The following C8orf34 variants were observed in gnomAD, a reference collection of about 807,000 sequenced individuals.
The protein encoded by C8orf34 is uncharacterized protein C8orf34.
In C8orf34, 65 loss-of-function variants were observed where a neutral mutation model predicts 68.3. The observed-to-expected ratio is 0.95, with a 90% CI of 0.78 to 1.17. C8orf34 has a LOEUF of 1.17. Among genes scored for constraint, C8orf34 ranks in the 50% most tolerant of loss-of-function variants. C8orf34 has a pLI of 0.00. For synonymous variants in C8orf34, 244 were observed against 241.2 expected (o/e 1.01, Z -0.11); for missense variants, 664 against 655.4 (o/e 1.01, Z -0.14).
chr8:68,431,534 G>A (rs1263649499), intron 1 of C8orf34, among the ~76,000 whole-genome samples: 6 of 152,176 alleles, frequency 3.9e-5, no homozygotes, highest in Admixed American at 3.3e-4. Context: ...ATTAGTTGAG[G>A]AGTGTAATCC....
intron 3 of C8orf34, chr8:68,446,958 A>G (rs905530176): frequency 1.3e-5 from 2 of 153,372 alleles, no homozygotes; most frequent in Admixed American, 6.5e-5. Flanking sequence ...CTACTGTAAT[A>G]TCTTTGTTTT....
At chr8:68,439,668 A>G (rs1445620186) in intron 2 of C8orf34, 22 bp downstream of exon 2, 1 of 1,590,858 alleles carries the variant, frequency 6.3e-7, no homozygotes, top group East Asian at 2.2e-5. Flanking sequence ...ATGTCTATGC[A>G]GTTAATTTGG....
chr8:68,594,909 G>C (rs1817499197), intron 7 of C8orf34, among the ~76,000 whole-genome samples: 1 of 151,700 alleles, frequency 6.6e-6, no homozygotes, highest in African/African-American at 2.4e-5. Context: ...TAATCCTGCT[G>C]GCTTTCTGGT....
chr8:68,490,071 C>T (rs1215030168), intron 5 of C8orf34, among the ~76,000 whole-genome samples: 2 of 152,132 alleles, frequency 1.3e-5, no homozygotes, highest in African/African-American at 4.8e-5. Flanking sequence ...TTCTAGTCCC[C>T]CCTCTGTGTG....
At chr8:68,760,596 C>T (rs1399341937) in intron 10 of C8orf34, among the ~76,000 whole-genome samples, 1 of 152,182 alleles carries the variant, frequency 6.6e-6, no homozygotes, top group Non-Finnish European at 1.5e-5. Flanking sequence ...GCATGAGACT[C>T]TTTGCAATAT....
chr8:68,441,986 G>C (rs948157110), intron 2 of C8orf34, among the ~76,000 whole-genome samples: 2 of 152,106 alleles, frequency 1.3e-5, no homozygotes, highest in African/African-American at 4.8e-5. Flanking sequence ...TAAAGCTTTG[G>C]GGATGGGTCA....
chr8:68,718,502 T>C (rs1821541287), intron 9 of C8orf34, among the ~76,000 whole-genome samples: 2 of 152,208 alleles, frequency 1.3e-5, no homozygotes, highest in African/African-American at 4.8e-5. Flanking sequence ...GTATACCTAA[T>C]CTGCAAATTC....
chr8:68,628,954 G>A (rs1218723695), intron 7 of C8orf34, among the ~76,000 whole-genome samples: 3 of 151,756 alleles, frequency 2.0e-5, no homozygotes, highest in African/African-American at 7.3e-5. Context: ...TCATAAATTG[G>A]TTCATTTTCC....
chr8:68,353,276 C>A (rs1027836650), intron 1 of C8orf34, among the ~76,000 whole-genome samples: 1 of 151,858 alleles, frequency 6.6e-6, no homozygotes, highest in Admixed American at 6.6e-5. Flanking sequence ...ACTGCACTCC[C>A]CCACAAGGGA....
At chr8:68,556,035 T>C (rs1438430216) in intron 7 of C8orf34, among the ~76,000 whole-genome samples, 1 of 152,180 alleles carries the variant, frequency 6.6e-6, no homozygotes, top group Non-Finnish European at 1.5e-5. Context: ...TCAGCCACAT[T>C]AGTAGCAACT....
chr8:68,495,123 G>A (rs1813473041), intron 5 of C8orf34, among the ~76,000 whole-genome samples: 2 of 151,576 alleles, frequency 1.3e-5, no homozygotes, highest in Admixed American at 1.3e-4. Flanking sequence ...GCTTTAGTGT[G>A]GGGTATATTT....
chr8:68,682,114 A>G (rs1051108524), intron 8 of C8orf34, among the ~76,000 whole-genome samples: 3 of 152,126 alleles, frequency 2.0e-5, no homozygotes, highest in East Asian at 1.9e-4. Flanking sequence ...GCATAACAAG[A>G]TGACTGTAGT....
rs78012931 is a variant in C8orf34 at position 68,457,644 on chromosome 8, C to T, written c.608-11048C>T. ...AAAGAATTGCTCAAAAATTAGCACT[C>T]CTTAATATACAATAGGCTGCTTTGT... On this transcript the variant is annotated intron_variant, in intron 3 of 13. Transcript: ENST00000518698. 9.0e-3 allele frequency among the ~76,000 whole-genome samples: 1,373 copies of T among 152,194 alleles called. 28 individuals carry two copies. Among genetic ancestry groups the T allele is most frequent in the African/African-American group, 0.031 (1,297 of 41,526 alleles).
rs1586105838 is a variant in C8orf34 at position 68,422,103 on chromosome 8, C to A, written c.328-17396C>A. On this transcript the variant is annotated intron_variant, in intron 1 of 13. Coordinates refer to ENST00000518698, the MANE Select transcript of C8orf34 (RefSeq NM_052958.4). ...ATTTGGGTGGGGACACAGAGCCAAA[C>A]CATGTCATTCTGCTGCTGGCCCCTC... Among the ~76,000 whole-genome samples, 3 of 152,302 alleles carry A rather than the reference C, an allele frequency of 2.0e-5. No individual in the cohort carries two copies. In the South Asian group the frequency reaches 6.2e-4, roughly 32 times the overall value.
At chr8:68,647,517 C>T (rs562935536) in intron 8 of C8orf34, among the ~76,000 whole-genome samples, 1 of 152,162 alleles carries the variant, frequency 6.6e-6, no homozygotes, top group East Asian at 1.9e-4. Flanking sequence ...CAGAGCCTGA[C>T]TGGAAGATGT....
intron 10 of C8orf34, among the ~76,000 whole-genome samples, chr8:68,725,733 A>T (rs561306170): frequency 6.6e-5 from 10 of 152,242 alleles, no homozygotes; most frequent in African/African-American, 2.2e-4. Context: ...GGCAGGACAA[A>T]AACTCATGGT....
In C8orf34 at chr8:68,579,237, C is replaced by A. The variant is rs184460830; in HGVS notation, c.1105+46088C>A. On this transcript the variant is annotated intron_variant, in intron 7 of 13. Transcript: ENST00000518698. ...GAGAGAAGTCGATATTTCTAAAAGA[C>A]CTTTATCAAATTCTATAGAAGCACA... Among the ~76,000 whole-genome samples, 50 of 152,094 alleles carry A rather than the reference C, an allele frequency of 3.3e-4. No individual in the cohort carries two copies. In the East Asian group the frequency reaches 8.9e-3, roughly 27 times the overall value.
At chr8:68,511,767 G>C (rs1010837673) in intron 5 of C8orf34, among the ~76,000 whole-genome samples, 2 of 152,138 alleles carry the variant, frequency 1.3e-5, no homozygotes, top group South Asian at 4.1e-4. Flanking sequence ...ACCAGGCAGA[G>C]AGAAACAAAC....
intron 8 of C8orf34, among the ~76,000 whole-genome samples, chr8:68,672,673 A>G (rs1048891506): frequency 6.6e-6 from 1 of 152,166 alleles, no homozygotes; most frequent in Non-Finnish European, 1.5e-5. Flanking sequence ...TCATAAATAA[A>G]GTTGAAAGGC....
Sources: gnomAD v4.1 joint callset for allele counts (sites outside exome capture counted in the v4.1 genomes callset) on GRCh38, gnomAD v4.1.1 for gene constraint, MANE v1.5 for transcripts, NCBI Gene and HGNC (gene_info 2026-07-23, HGNC 2026-07-21) for gene names.